The following PGLYRP2 variants were observed in gnomAD, a reference collection of about 807,000 sequenced individuals.
The protein encoded by PGLYRP2 is N-acetylmuramoyl-L-alanine amidase.
A neutral mutation model predicts 46.2 loss-of-function variants in PGLYRP2; 38 were observed. The ratio of observed to expected loss-of-function variants is 0.82; its 90% CI spans 0.64 to 1.08. The LOEUF is 1.08. PGLYRP2 is among the 50% of genes least tolerant of loss of function. The pLI, the probability that PGLYRP2 is intolerant of heterozygous loss-of-function variation, is 0.00. For missense variants in PGLYRP2, 713 were observed against 755.9 expected (o/e 0.94, Z 0.67); for synonymous variants, 289 against 329.4 (o/e 0.88, Z 1.33).
Position 15,475,935 on chromosome 19 carries a change from A to G in PGLYRP2, c.735T>C (p.Thr245=). The change falls in exon 2 of 5, where the codon ACT becomes ACC. Residue 245 remains threonine (T), a synonymous_variant. Coordinates refer to ENST00000340880, the MANE Select transcript of PGLYRP2 (RefSeq NM_052890.4). The part of the protein sequence containing the change: ...SQTQSHPDLG[T]EGCWDQLSAP... ...CAGAGAGCTGGTCCCAGCAGCCCTC[A>G]GTTCCCAGGTCTGGATGGCTCTGGG... 1 of 1,614,152 alleles carries G rather than the reference A, an allele frequency of 6.2e-7. No individual in the cohort carries two copies.
In PGLYRP2 at chr19:15,475,863, G is replaced by C. The variant is rs768122396; in HGVS notation, c.807C>G (p.Thr269=). The change falls in exon 2 of 5, where the codon ACC becomes ACG. Residue 269 remains threonine (T), a synonymous_variant. Transcript: ENST00000340880. ...TLLDPKASLL[T]MAFLNGALDG... is the part of the protein sequence containing the mutation. ...CCAGGGCGCCATTGAGGAAGGCCAT[G>C]GTTAACAGAGATGCCTTGGGGTCCA... The C allele has an allele frequency of 1.9e-6, 3 of 1,613,984 alleles. No individual in the cohort carries two copies. Among genetic ancestry groups the C allele is most frequent in the Non-Finnish European group, 2.5e-6 (3 of 1,180,024 alleles).
At chr19:15,473,655 T>C (rs1209159402) in intron 2 of PGLYRP2, among the ~76,000 whole-genome samples, 1 of 151,376 alleles carries the variant, frequency 6.6e-6, no homozygotes, top group Admixed American at 6.6e-5. Flanking sequence ...AGAAACAAAG[T>C]AGACAAATGG....
intron 1 of PGLYRP2, among the ~76,000 whole-genome samples, chr19:15,479,027 CT>C (rs1970822643): frequency 6.6e-6 from 1 of 152,156 alleles, no homozygotes; most frequent in Non-Finnish European, 1.5e-5. Context: ...AAAAAATGCC[CT>C]TTCTGGCTTC....
chr19:15,474,980 C>CAAAA (rs34586297), intron 2 of PGLYRP2, among the ~76,000 whole-genome samples: 1 of 125,030 alleles, frequency 8.0e-6, no homozygotes, highest in African/African-American at 2.9e-5. Context: ...GAGAGAGACT[C>CAAAA]AAAAAAAAAA....
In PGLYRP2 at chr19:15,469,791, G is replaced by A; in HGVS notation, c.1482C>T (p.Ala494=). The A allele has an allele frequency of 6.6e-7, 1 of 1,511,774 alleles. No individual in the cohort carries two copies. Among genetic ancestry groups the A allele is most frequent in the Non-Finnish European group, 8.8e-7 (1 of 1,138,988 alleles). 93.6% of individuals were successfully genotyped at this position (1,511,774 alleles called of 1,614,324 possible). A position where few individuals can be genotyped will look rare whatever the true frequency, so the allele number is the denominator to read the frequency against. ...GCGTGTCGCGCACCGTGCGCAGAGCGGCCTCGGTGGGCAGCGCCGCGGTGT... is the reference window on the plus strand; with the variant it reads ...GCGTGTCGCGCACCGTGCGCAGAGCAGCCTCGGTGGGCAGCGCCGCGGTGT... ...GNYTAALPTE[A]ALRTVRDTLP... Residue 494 remains alanine (A), a synonymous_variant, in exon 4 of 5, where the codon GCC becomes GCT. Transcript: ENST00000340880. This position sits in a 1 kb window ranked among gnomAD's most constrained non-coding sequence, Gnocchi z 4.9.
In PGLYRP2 at chr19:15,472,104, C is replaced by T. The variant is rs775512785; in HGVS notation, c.1133-4G>A. On this transcript the variant is annotated splice_polypyrimidine_tract_variant and splice_region_variant and intron_variant, in intron 2 of 4. Transcript: ENST00000340880. ...CGGGGGTGGATGGCCGGGCATCCTA[C>T]AGGCAAGGGGGTTGAAGGCTGGGGT... 1.3e-6 allele frequency: 2 copies of T among 1,598,690 alleles called. No individual in the cohort carries two copies. Among genetic ancestry groups the T allele is most frequent in the Non-Finnish European group, 1.7e-6 (2 of 1,179,024 alleles).
chr19:15,479,422 G>A lies in PGLYRP2; in HGVS notation c.-51C>T. The A allele has an allele frequency of 1.3e-6, 2 of 1,576,636 alleles. No homozygotes were observed. Among genetic ancestry groups the A allele is most frequent in the Middle Eastern group, 1.7e-4 (1 of 6,006 alleles). Reference sequence around the variant, plus strand: ...GGTATTTCTGGTTGGCCTCGGCAGAGAACCTCGGCAGTGCTGGAGGGAGAC... The same window carrying A: ...GGTATTTCTGGTTGGCCTCGGCAGAAAACCTCGGCAGTGCTGGAGGGAGAC... On this transcript the variant is annotated 5_prime_UTR_variant, in exon 1 of 5. Coordinates refer to ENST00000340880, the MANE Select transcript of PGLYRP2 (RefSeq NM_052890.4).
chr19:15,471,271 C>T (rs1045850364), intron 3 of PGLYRP2, among the ~76,000 whole-genome samples: 2 of 152,058 alleles, frequency 1.3e-5, no homozygotes, highest in Admixed American at 1.3e-4. Flanking sequence ...CGCCATCACG[C>T]CTGGCTAATT....
intron 1 of PGLYRP2, among the ~76,000 whole-genome samples, chr19:15,477,721 T>TAAAATTAAAA (rs56127600): frequency 0.062 from 8,325 of 135,252 alleles, 377 homozygotes; most frequent in African/African-American, 0.13. Context: ...TAAAATAAAA[T>TAAAATTAAAA]TAAATTAAAA....
intron 2 of PGLYRP2, among the ~76,000 whole-genome samples, chr19:15,474,236 C>T (rs1970774984): frequency 6.6e-6 from 1 of 152,106 alleles, no homozygotes; most frequent in Non-Finnish European, 1.5e-5. Flanking sequence ...ACTTAGGAGG[C>T]TGAGGCAGGA....
chr19:15,469,105 G>C lies in PGLYRP2; in HGVS notation c.1642-353C>G, dbSNP rs1599762539. ...GCAACCTCAGAGTTGAGATTGTCTG[G>C]ACAGAGAATTGCAACACAGGATTAA... is the stretch of plus-strand genomic sequence containing the variant. On this transcript the variant is annotated intron_variant, in intron 4 of 4. Coordinates refer to ENST00000340880, the MANE Select transcript of PGLYRP2 (RefSeq NM_052890.4). This position sits in a 1 kb window ranked among gnomAD's most constrained non-coding sequence, Gnocchi z 4.9. 1 of 532,692 alleles carries C rather than the reference G, an allele frequency of 1.9e-6. No homozygotes were observed. The highest frequency in any genetic ancestry group is 3.0e-5 in the East Asian group (1 of 32,924). 33.0% of individuals were successfully genotyped at this position (532,692 alleles called of 1,614,324 possible). A position where few individuals can be genotyped will look rare whatever the true frequency, so the allele number is the denominator to read the frequency against.
In PGLYRP2 at chr19:15,479,406, G is replaced by T. The variant is rs377661914; in HGVS notation, c.-35C>A. 8 of 1,607,084 alleles carry T rather than the reference G, an allele frequency of 5.0e-6. No individual in the cohort carries two copies. The African/African-American group carries it at 8.0e-5, about 16-fold the overall frequency. ...ATTCCAGCTTCCAAGGGGTATTTCTGGTTGGCCTCGGCAGAGAACCTCGGC... is the reference window on the plus strand; with the variant it reads ...ATTCCAGCTTCCAAGGGGTATTTCTTGTTGGCCTCGGCAGAGAACCTCGGC... On this transcript the variant is annotated 5_prime_UTR_variant, in exon 1 of 5. Coordinates refer to ENST00000340880, the MANE Select transcript of PGLYRP2 (RefSeq NM_052890.4).
chr19:15,471,661 C>G (rs1970750088), intron 3 of PGLYRP2, among the ~76,000 whole-genome samples: 1 of 152,178 alleles, frequency 6.6e-6, no homozygotes. Context: ...TGTACTAGTT[C>G]TCTACCCTGA....
intron 1 of PGLYRP2, among the ~76,000 whole-genome samples, chr19:15,478,631 T>G (rs1023317204): frequency 4.9e-5 from 6 of 122,828 alleles, no homozygotes; most frequent in South Asian, 4.9e-4. Context: ...TTTGCCTTTG[T>G]TTTTTTTTTT....
At chr19:15,475,472 A>G in intron 2 of PGLYRP2, 66 bp downstream of exon 2, 1 of 1,451,882 alleles carries the variant, frequency 6.9e-7, no homozygotes, top group East Asian at 2.3e-5. Context: ...ACTTCCCTGA[A>G]TATACGGGGT....
chr19:15,472,027 C>T lies in PGLYRP2; in HGVS notation c.1206G>A (p.Leu402=). The part of the protein sequence containing the change: ...PYRGRPKLLQ[L]PLGFLYVHHT... Reference sequence around the variant, plus strand: ...GATGCACGTACAAGAATCCCAGCGGCAGCTGCAGCAGCTTCGGGCGGCCCC... The same window carrying T: ...GATGCACGTACAAGAATCCCAGCGGTAGCTGCAGCAGCTTCGGGCGGCCCC... The change falls in exon 3 of 5, where the codon CTG becomes CTA. Residue 402 remains leucine, a synonymous_variant. Coordinates refer to ENST00000340880, the MANE Select transcript of PGLYRP2 (RefSeq NM_052890.4). 6.2e-7 allele frequency: 1 copy of T among 1,612,522 alleles called. No individual in the cohort carries two copies. Among genetic ancestry groups the T allele is most frequent in the Non-Finnish European group, 8.5e-7 (1 of 1,179,926 alleles).
chr19:15,475,765 T>G lies in PGLYRP2; in HGVS notation c.905A>C (p.Gln302Pro). 1.2e-6 allele frequency: 2 copies of G among 1,614,044 alleles called. No homozygotes were observed. Among genetic ancestry groups the G allele is most frequent in the South Asian group, 2.2e-5 (2 of 91,080 alleles). Residue 302 changes from glutamine to proline, a missense_variant, in exon 2 of 5, where the codon CAG (glutamine) becomes CCG (proline). By Grantham distance (76) the Gln-to-Pro change is moderately conservative (BLOSUM62 -1). Coordinates refer to ENST00000340880, the MANE Select transcript of PGLYRP2 (RefSeq NM_052890.4). ...PRPSLSHLLSQYYGAGVARDP... is the reference protein window; with the variant it reads ...PRPSLSHLLSPYYGAGVARDP... ...TCTGGCCACCCCAGCCCCATAGTAC[T>G]GGCTCAGCAAGTGGCTGAGGGATGG...
chr19:15,475,963 TGGGAACCTCG>T lies in PGLYRP2; in HGVS notation c.697_706del (p.Gly234ProfsTer32). The T allele has an allele frequency of 6.2e-7, 1 of 1,614,206 alleles. No homozygotes were observed. On this transcript the variant is annotated frameshift_variant, in exon 2 of 5. Coordinates refer to ENST00000340880, the MANE Select transcript of PGLYRP2 (RefSeq NM_052890.4). LOFTEE classifies it high-confidence loss of function. ...TCCCAGGTCTGGATGGCTCTGGGTC[TGGGAACCTCG>T]GAGGAAGGTCAGGCCCAGGTTTCCA...
intron 3 of PGLYRP2, among the ~76,000 whole-genome samples, chr19:15,470,241 T>TTTCCTTCCTTCC (rs71176417): frequency 0.029 from 2,883 of 99,876 alleles, 106 homozygotes; most frequent in East Asian, 0.069. Flanking sequence ...GTTTTTTTTC[T>TTTCCTTCCTTCC]TTCCTTCCTT....
Sources: gnomAD v4.1 joint callset for allele counts (sites outside exome capture counted in the v4.1 genomes callset) on GRCh38, gnomAD v4.1.1 for gene constraint, Gnocchi (gnomAD v3.1) non-coding constraint, MANE v1.5 for transcripts, NCBI Gene and HGNC (gene_info 2026-07-23, HGNC 2026-07-21) for gene names.